MCUB: variants seen among roughly 807,000 people sequenced by gnomAD.
The protein encoded by MCUB is calcium uniporter regulatory subunit MCUb, mitochondrial.
A neutral mutation model predicts 41.4 loss-of-function variants in MCUB; 46 were observed. That is an observed-to-expected ratio of 1.11 (90% CI 0.88 to 1.42). The LOEUF (loss-of-function observed/expected upper bound fraction) is 1.42, where lower values mean the gene tolerates loss of function less well. MCUB is among the 40% of genes most tolerant of loss of function. The probability of loss-of-function intolerance (pLI) is 0.00; values close to 1 mark genes in which losing one functional copy is unlikely to be tolerated. For missense variants in MCUB, 403 were observed against 404.9 expected (o/e 1.00, Z 0.04); for synonymous variants, 148 against 148.2 (o/e 1.00, Z 0.01).
intron 1 of MCUB, among the ~76,000 whole-genome samples, chr4:109,596,916 T>G (rs1184516729): frequency 2.6e-5 from 4 of 151,770 alleles, no homozygotes; most frequent in African/African-American, 9.7e-5. Flanking sequence ...TACTTGAGAT[T>G]AGGGAGTGGT....
chr4:109,583,976 G>T (rs952621425), intron 1 of MCUB, among the ~76,000 whole-genome samples: 2 of 152,142 alleles, frequency 1.3e-5, no homozygotes, highest in Admixed American at 1.3e-4. Context: ...AATGAGTTAG[G>T]AAGGATTCCT....
chr4:109,591,668 T>A (rs6844720), intron 1 of MCUB, among the ~76,000 whole-genome samples: 2,386 of 152,218 alleles, frequency 0.016, 72 homozygotes, highest in African/African-American at 0.054. Flanking sequence ...AATTTTTGAG[T>A]TGTTTCTCCA....
At chr4:109,571,146 A>G (rs1331055237) in intron 1 of MCUB, among the ~76,000 whole-genome samples, 2 of 152,200 alleles carry the variant, frequency 1.3e-5, no homozygotes, top group Non-Finnish European at 2.9e-5. Context: ...TCATTAAACC[A>G]TGGGTATCTT....
chr4:109,645,393 T>TTTTTTTTTTTTTTTTTTTG, intron 1 of MCUB, among the ~76,000 whole-genome samples: 1 of 152,226 alleles, frequency 6.6e-6, no homozygotes, highest in African/African-American at 2.4e-5. Flanking sequence ...AACAGTTTCT[T>TTTTTTTTTTTTTTTTTTTG]AACTGGCTTC....
chr4:109,606,484 T>G (rs1195724720), intron 1 of MCUB, among the ~76,000 whole-genome samples: 2 of 152,166 alleles, frequency 1.3e-5, no homozygotes, highest in Admixed American at 1.3e-4. Context: ...TCAGGTGGTA[T>G]GATTTAATTT....
intron 1 of MCUB, among the ~76,000 whole-genome samples, chr4:109,576,809 C>T (rs1446669849): frequency 4.6e-5 from 7 of 151,930 alleles, no homozygotes. Context: ...GGACAACAAC[C>T]CTGTGTCAAG....
At chr4:109,685,127 C>G in intron 6 of MCUB, 124 bp from the exon 7 acceptor site, 1 of 592,632 alleles carries the variant, frequency 1.7e-6, no homozygotes, top group East Asian at 2.6e-5. Context: ...ATGGCCATTG[C>G]AAATATTTCA....
At chr4:109,602,040 T>C (rs778226595) in intron 1 of MCUB, among the ~76,000 whole-genome samples, 8 of 152,242 alleles carry the variant, frequency 5.3e-5, no homozygotes, top group Non-Finnish European at 7.3e-5. Flanking sequence ...ATTCAGATCT[T>C]TTGCCCATTT....
chr4:109,575,351 T>C (rs1480491286), intron 1 of MCUB, among the ~76,000 whole-genome samples: 1 of 152,356 alleles, frequency 6.6e-6, no homozygotes, highest in Admixed American at 6.5e-5. Flanking sequence ...ATATTATTAA[T>C]CTTTCTGTAA....
chr4:109,580,160 C>T (rs764723770), intron 1 of MCUB, among the ~76,000 whole-genome samples: 2 of 152,028 alleles, frequency 1.3e-5, no homozygotes, highest in Non-Finnish European at 2.9e-5. Context: ...ATAGTTTGCT[C>T]GGAGTGATGG....
chr4:109,684,065 CTTT>C (rs71595507), intron 5 of MCUB, among the ~76,000 whole-genome samples: 25 of 139,968 alleles, frequency 1.8e-4, no homozygotes, highest in Non-Finnish European at 1.7e-4. Flanking sequence ...TTCCTCTTTT[CTTT>C]TTTTTTTTTT....
chr4:109,679,824 C>T (rs1212873746), intron 4 of MCUB, among the ~76,000 whole-genome samples: 2 of 148,526 alleles, frequency 1.3e-5, no homozygotes, highest in Non-Finnish European at 2.9e-5. Context: ...GTTTTTGAGA[C>T]AGAGTCTCTC....
At chr4:109,579,407 G>C (rs1381779821) in intron 1 of MCUB, among the ~76,000 whole-genome samples, 1 of 151,932 alleles carries the variant, frequency 6.6e-6, no homozygotes, top group African/African-American at 2.4e-5. Context: ...ATGCCACCAC[G>C]CCCAGCTAAT....
At chr4:109,658,441 G>C (rs1345277638) in intron 1 of MCUB, among the ~76,000 whole-genome samples, 1 of 152,098 alleles carries the variant, frequency 6.6e-6, no homozygotes, top group African/African-American at 2.4e-5. Flanking sequence ...GGGATTACAG[G>C]CATGTGCCAC....
intron 1 of MCUB, among the ~76,000 whole-genome samples, chr4:109,619,514 T>C (rs1442850618): frequency 6.6e-6 from 1 of 152,124 alleles, no homozygotes; most frequent in African/African-American, 2.4e-5. Flanking sequence ...AAGACCAGCC[T>C]GGCCAACATA....
intron 1 of MCUB, among the ~76,000 whole-genome samples, chr4:109,653,156 C>T (rs1255902782): frequency 2.0e-5 from 3 of 152,170 alleles, no homozygotes; most frequent in East Asian, 1.9e-4. Flanking sequence ...GCGGGCGGAT[C>T]GCGAGGTTAG....
chr4:109,677,508 A>T (rs995369751), intron 4 of MCUB, among the ~76,000 whole-genome samples: 1 of 152,214 alleles, frequency 6.6e-6, no homozygotes, highest in African/African-American at 2.4e-5. Context: ...CTCAAAATTC[A>T]TGTGTTAGAA....
At chr4:109,641,024 T>C (rs1370005547) in intron 1 of MCUB, among the ~76,000 whole-genome samples, 1 of 152,154 alleles carries the variant, frequency 6.6e-6, no homozygotes, top group Non-Finnish European at 1.5e-5. Context: ...TGGCCTAATA[T>C]CAATATTGTC....
rs1010459789 is a variant in MCUB, at chr4:109,642,793, AT to A, written c.100-16208del. Among the ~76,000 whole-genome samples, 41 of 149,574 alleles carry A rather than the reference AT, an allele frequency of 2.7e-4. No individual in the cohort carries two copies. In the South Asian group the frequency reaches 5.5e-3, roughly 20 times the overall value. ...CTACTTTAAAGAGATGAAGACTGAA[AT>A]TTTTTTTTTAACTGTTCTTTTTGTC... On this transcript the variant is annotated intron_variant, in intron 1 of 7. Coordinates refer to ENST00000394650, the MANE Select transcript of MCUB (RefSeq NM_017918.5).
Sources: gnomAD v4.1 joint callset for allele counts (sites outside exome capture counted in the v4.1 genomes callset) on GRCh38, gnomAD v4.1.1 for gene constraint, MANE v1.5 for transcripts, NCBI Gene and HGNC (gene_info 2026-07-23, HGNC 2026-07-21) for gene names.